Variants in NDUFS4 observed in about 807,000 individuals in gnomAD.
The protein encoded by NDUFS4 is NADH:ubiquinone oxidoreductase subunit S4, also known as NADH dehydrogenase [ubiquinone] iron-sulfur protein 4, mitochondrial.
In NDUFS4, 28 loss-of-function variants were observed where a neutral mutation model predicts 24.3. That is an observed-to-expected ratio of 1.15 (90% CI 0.85 to 1.58). The LOEUF (loss-of-function observed/expected upper bound fraction) is 1.58, where lower values mean the gene tolerates loss of function less well. NDUFS4 is among the 40% of genes most tolerant of loss of function. NDUFS4 has a pLI of 0.00. For synonymous variants in NDUFS4, 93 were observed against 69.7 expected (o/e 1.34, Z -1.67); for missense variants, 223 against 207.9 (o/e 1.07, Z -0.45).
At chr5:53,664,931 G>T (rs1235581497) in intron 4 of NDUFS4, among the ~76,000 whole-genome samples, 1 of 152,122 alleles carries the variant, frequency 6.6e-6, no homozygotes, top group African/African-American at 2.4e-5. Context: ...CAGTATTTCT[G>T]CTCTGTTTTT....
intron 3 of NDUFS4, among the ~76,000 whole-genome samples, chr5:53,651,123 A>T (rs192854731): frequency 2.6e-5 from 4 of 152,174 alleles, no homozygotes; most frequent in African/African-American, 9.6e-5. Flanking sequence ...GAATAATTTT[A>T]AAAAACATTC....
chr5:53,601,653 G>A (rs746581107), intron 1 of NDUFS4, among the ~76,000 whole-genome samples: 26 of 152,090 alleles, frequency 1.7e-4, no homozygotes, highest in Admixed American at 5.2e-4. Context: ...CCAAAAATAT[G>A]CAGTGGAAAA....
intron 1 of NDUFS4, among the ~76,000 whole-genome samples, chr5:53,588,943 G>C (rs1000288877): frequency 6.6e-6 from 1 of 151,766 alleles, no homozygotes; most frequent in Non-Finnish European, 1.5e-5. Flanking sequence ...AAAGTGACAA[G>C]TTGGAACACT....
At chr5:53,570,445 G>T (rs1171397529) in intron 1 of NDUFS4, among the ~76,000 whole-genome samples, 1 of 152,090 alleles carries the variant, frequency 6.6e-6, no homozygotes, top group African/African-American at 2.4e-5. Context: ...AATTATTTCA[G>T]GTTTTTGGCA....
intron 2 of NDUFS4, among the ~76,000 whole-genome samples, chr5:53,640,677 A>G (rs949322655): frequency 6.6e-6 from 1 of 152,154 alleles, no homozygotes; most frequent in African/African-American, 2.4e-5. Context: ...GCACCAGACC[A>G]TTTGTGAGGG....
chr5:53,620,945 T>G (rs1448618402), intron 2 of NDUFS4, among the ~76,000 whole-genome samples: 1 of 152,234 alleles, frequency 6.6e-6, no homozygotes, highest in Non-Finnish European at 1.5e-5. Flanking sequence ...TCCAAAAATT[T>G]CAATTAAGTT....
At chr5:53,565,944 C>A (rs149786080) in intron 1 of NDUFS4, among the ~76,000 whole-genome samples, 1 of 152,022 alleles carries the variant, frequency 6.6e-6, no homozygotes, top group African/African-American at 2.4e-5. Flanking sequence ...GAGGCCAAGG[C>A]GGGTGGATCA....
chr5:53,587,517 C>G lies in NDUFS4; in HGVS notation c.99-15935C>G, dbSNP rs959729864. On this transcript the variant is annotated intron_variant, in intron 1 of 4. Transcript: ENST00000296684. Reference sequence around the variant, plus strand: ...TGTATAGATTAGCAACAGACAAACACATATATTGATCTAAGCCATCTGAAA... The same window carrying G: ...TGTATAGATTAGCAACAGACAAACAGATATATTGATCTAAGCCATCTGAAA... Among the ~76,000 whole-genome samples the G allele has an allele frequency of 3.2e-4, 48 of 151,654 alleles. 1 individual carries two copies. Among genetic ancestry groups the G allele is most frequent in the African/African-American group, 1.1e-3 (47 of 41,306 alleles).
intron 1 of NDUFS4, among the ~76,000 whole-genome samples, chr5:53,564,248 G>A (rs1748949258): frequency 6.6e-6 from 1 of 152,170 alleles, no homozygotes; most frequent in Non-Finnish European, 1.5e-5. Flanking sequence ...CAGTCCTTAA[G>A]GTTGACAAGA....
chr5:53,637,966 A>G (rs1436133290), intron 2 of NDUFS4, among the ~76,000 whole-genome samples: 1 of 152,120 alleles, frequency 6.6e-6, no homozygotes, highest in Non-Finnish European at 1.5e-5. Context: ...CTTATGAATG[A>G]CAGAAGATTT....
intron 4 of NDUFS4, among the ~76,000 whole-genome samples, chr5:53,677,465 A>G (rs1449513258): frequency 3.3e-5 from 5 of 152,162 alleles, no homozygotes; most frequent in East Asian, 1.9e-4. Flanking sequence ...AGTATTTTCT[A>G]TAGAAGATCT....
intron 4 of NDUFS4, 98 bp from the exon 5 acceptor site, chr5:53,683,020 T>TTAAG (rs1317567010): frequency 2.7e-5 from 22 of 823,462 alleles, no homozygotes; most frequent in Non-Finnish European, 4.1e-5. Context: ...TAAATGAACA[T>TTAAG]TAAGTTAAGT....
chr5:53,657,372 A>G (rs1411494204), intron 3 of NDUFS4, among the ~76,000 whole-genome samples: 2 of 152,132 alleles, frequency 1.3e-5, no homozygotes, highest in African/African-American at 4.8e-5. Context: ...TAATTATAGG[A>G]ATCTCAGAGT....
intron 1 of NDUFS4, among the ~76,000 whole-genome samples, chr5:53,598,443 G>A (rs1750197876): frequency 1.3e-5 from 2 of 152,164 alleles, no homozygotes; most frequent in South Asian, 4.2e-4. Flanking sequence ...GGATTTCCAC[G>A]GGTTTATTAA....
At chr5:53,676,286 G>C (rs771214420) in intron 4 of NDUFS4, among the ~76,000 whole-genome samples, 7 of 152,148 alleles carry the variant, frequency 4.6e-5, no homozygotes, top group Non-Finnish European at 8.8e-5. Flanking sequence ...CTTATTCACA[G>C]TTATGTTCTT....
At chr5:53,608,727 A>G (rs1262826036) in intron 2 of NDUFS4, among the ~76,000 whole-genome samples, 2 of 152,168 alleles carry the variant, frequency 1.3e-5, no homozygotes, top group Non-Finnish European at 2.9e-5. Context: ...AAAGTCTTAG[A>G]TCCTTCAAAG....
At chr5:53,620,124 T>TAA (rs113536744) in intron 2 of NDUFS4, among the ~76,000 whole-genome samples, 32 of 143,398 alleles carry the variant, frequency 2.2e-4, no homozygotes, top group African/African-American at 6.9e-4. Flanking sequence ...TCAAAAAATG[T>TAA]AAAAAAAAAA....
intron 2 of NDUFS4, among the ~76,000 whole-genome samples, chr5:53,630,859 C>T (rs951844034): frequency 1.3e-5 from 2 of 151,936 alleles, no homozygotes; most frequent in African/African-American, 4.8e-5. Flanking sequence ...TTGTTATTAC[C>T]CACCTTCTAA....
chr5:53,597,587 T>G (rs1750168385), intron 1 of NDUFS4, among the ~76,000 whole-genome samples: 1 of 152,244 alleles, frequency 6.6e-6, no homozygotes, highest in South Asian at 2.1e-4. Context: ...AAATCTTCAC[T>G]GTTTAAGACT....
Sources: gnomAD v4.1 joint callset for allele counts (sites outside exome capture counted in the v4.1 genomes callset) on GRCh38, gnomAD v4.1.1 for gene constraint, MANE v1.5 for transcripts, NCBI Gene and HGNC (gene_info 2026-07-23, HGNC 2026-07-21) for gene names.